Variants in TM9SF3 observed in about 807,000 individuals in gnomAD.
TM9SF3 encodes the protein transmembrane 9 superfamily member 3, also known as SM-11044-binding protein.
In TM9SF3, 14 loss-of-function variants were observed where a neutral mutation model predicts 78.6. The observed-to-expected ratio is 0.18, with a 90% CI of 0.12 to 0.28. The LOEUF is 0.28. Among genes scored for constraint, TM9SF3 ranks in the 10% least tolerant of loss-of-function variants. The probability of loss-of-function intolerance (pLI) is 1.00; values close to 1 mark genes in which losing one functional copy is unlikely to be tolerated. For synonymous variants in TM9SF3, 231 were observed against 241.7 expected (o/e 0.96, Z 0.41); for missense variants, 496 against 721.9 (o/e 0.69, Z 3.59).
chr10:96,524,834 G>A (rs1847820329), intron 14 of TM9SF3, among the ~76,000 whole-genome samples: 1 of 151,688 alleles, frequency 6.6e-6, no homozygotes, highest in African/African-American at 2.4e-5. Context: ...ACATTCTAAT[G>A]ACTTCCAGTC....
chr10:96,524,732 TA>T (rs201470693), intron 14 of TM9SF3, among the ~76,000 whole-genome samples: 1 of 151,760 alleles, frequency 6.6e-6, no homozygotes, highest in African/African-American at 2.4e-5. Context: ...TTTCCTACAT[TA>T]AAAAAAATCA....
intron 2 of TM9SF3, among the ~76,000 whole-genome samples, chr10:96,566,706 C>A (rs56916380): frequency 0.024 from 3,668 of 151,878 alleles, 148 homozygotes; most frequent in African/African-American, 0.082. Flanking sequence ...CAAACAACAA[C>A]AAAAAAAACC....
At chr10:96,563,886 A>G (rs945472606) in intron 3 of TM9SF3, among the ~76,000 whole-genome samples, 4 of 151,952 alleles carry the variant, frequency 2.6e-5, no homozygotes, top group Non-Finnish European at 5.9e-5. Context: ...AAGGACATCC[A>G]AAAGTATTTC....
At chr10:96,536,865 T>C (rs1161196182) in intron 9 of TM9SF3, among the ~76,000 whole-genome samples, 1 of 152,246 alleles carries the variant, frequency 6.6e-6, no homozygotes. Context: ...GGCACGATCA[T>C]AGAGCACTAC....
chr10:96,585,773 C>T (rs1848621682), intron 1 of TM9SF3, among the ~76,000 whole-genome samples: 1 of 152,174 alleles, frequency 6.6e-6, no homozygotes, highest in Admixed American at 6.5e-5. Flanking sequence ...ATAGAAACTC[C>T]TATCATTAAT....
At chr10:96,575,852 CCAT>C (rs1206079283) in intron 2 of TM9SF3, among the ~76,000 whole-genome samples, 2 of 152,112 alleles carry the variant, frequency 1.3e-5, no homozygotes, top group Non-Finnish European at 2.9e-5. Flanking sequence ...CTTCTGTTCA[CCAT>C]GCTAAAAATG....
chr10:96,560,963 T>C, intron 4 of TM9SF3: 1 of 465,642 alleles, frequency 2.1e-6, no homozygotes, highest in Non-Finnish European at 4.0e-6. Flanking sequence ...AGCCCAAAGA[T>C]GGGGAGAAAA....
At chr10:96,527,185 A>C in intron 14 of TM9SF3, 28 bp downstream of exon 14, 1 of 1,576,868 alleles carries the variant, frequency 6.3e-7, no homozygotes, top group Non-Finnish European at 8.7e-7. Flanking sequence ...AGATTTACTC[A>C]TGATGTTCAA....
rs994538256 is a variant in TM9SF3, at chr10:96,542,286, C to T, written c.1185+1790G>A. On this transcript the variant is annotated intron_variant, in intron 9 of 14. Transcript: ENST00000371142. Reference sequence around the variant, plus strand: ...CATGAGGCCAGGGGAATACCCTTCCCCCAGTATTCCTTCATTAGACTAATG... The same window carrying T: ...CATGAGGCCAGGGGAATACCCTTCCTCCAGTATTCCTTCATTAGACTAATG... Among the ~76,000 whole-genome samples, 13 of 152,236 alleles carry T rather than the reference C, an allele frequency of 8.5e-5. No individual in the cohort carries two copies. The East Asian group carries it at 2.5e-3, about 29-fold the overall frequency.
intron 9 of TM9SF3, among the ~76,000 whole-genome samples, chr10:96,535,994 A>G (rs144563339): frequency 1.1e-4 from 16 of 152,370 alleles, no homozygotes; most frequent in African/African-American, 3.8e-4. Context: ...AAATGAATGC[A>G]AGACTGATTA....
intron 4 of TM9SF3, among the ~76,000 whole-genome samples, chr10:96,561,276 A>AT (rs1848305557): frequency 6.6e-6 from 1 of 152,140 alleles, no homozygotes; most frequent in African/African-American, 2.4e-5. Context: ...GTAAATCTTT[A>AT]TTTTTAGACT....
chr10:96,561,144 T>C (rs1396953129), intron 4 of TM9SF3, among the ~76,000 whole-genome samples: 1 of 152,208 alleles, frequency 6.6e-6, no homozygotes, highest in African/African-American at 2.4e-5. Flanking sequence ...TGTGATTCAG[T>C]GAACCTTGCC....
In TM9SF3 at chr10:96,535,370, T is replaced by C. The variant is rs185414341; in HGVS notation, c.1186-2180A>G. Among the ~76,000 whole-genome samples the C allele has an allele frequency of 2.0e-3, 306 of 152,316 alleles. 1 individual carries two copies. Among genetic ancestry groups the C allele is most frequent in the African/African-American group, 6.2e-3 (256 of 41,576 alleles). ...GGAATGAACTCATTTGTGAAGAATT[T>C]TTCTCAATACTGATAACTAAATAAA... On this transcript the variant is annotated intron_variant, in intron 9 of 14. Coordinates refer to ENST00000371142, the MANE Select transcript of TM9SF3 (RefSeq NM_020123.4).
At chr10:96,582,455 G>C (rs2099049182) in intron 1 of TM9SF3, among the ~76,000 whole-genome samples, 1 of 152,022 alleles carries the variant, frequency 6.6e-6, no homozygotes, top group Admixed American at 6.5e-5. Flanking sequence ...GGAGTCCTTC[G>C]GAATCTTAGG....
chr10:96,567,084 CTTTT>C (rs5787198), intron 2 of TM9SF3, among the ~76,000 whole-genome samples: 2 of 124,838 alleles, frequency 1.6e-5, no homozygotes, highest in Non-Finnish European at 3.2e-5. Flanking sequence ...TGTATAAAGC[CTTTT>C]TTTTTTTTTT....
chr10:96,530,505 A>T, intron 11 of TM9SF3, 35 bp downstream of exon 11: 1 of 1,549,820 alleles, frequency 6.5e-7, no homozygotes, highest in Non-Finnish European at 8.8e-7. Flanking sequence ...CTATAATCAA[A>T]TCCCTCAAAA....
At chr10:96,555,922 T>C (rs1195518722) in intron 5 of TM9SF3, among the ~76,000 whole-genome samples, 19 of 152,160 alleles carry the variant, frequency 1.2e-4, no homozygotes, top group Admixed American at 1.2e-3. Flanking sequence ...TCAAATTTTT[T>C]AAAATAAAAG....
intron 5 of TM9SF3, 64 bp downstream of exon 5, chr10:96,559,595 A>G (rs2134149100): frequency 2.6e-6 from 3 of 1,165,188 alleles, no homozygotes; most frequent in Middle Eastern, 2.0e-4. Context: ...AATGACAGAT[A>G]CTCAATGTTT....
chr10:96,543,281 T>C (rs1354834714), intron 9 of TM9SF3, among the ~76,000 whole-genome samples: 1 of 152,018 alleles, frequency 6.6e-6, no homozygotes, highest in African/African-American at 2.4e-5. Flanking sequence ...ACAGGTAAGA[T>C]ATGCAAACAC....
Sources: gnomAD v4.1 joint callset for allele counts (sites outside exome capture counted in the v4.1 genomes callset) on GRCh38, gnomAD v4.1.1 for gene constraint, MANE v1.5 for transcripts, NCBI Gene and HGNC (gene_info 2026-07-23, HGNC 2026-07-21) for gene names.